The following ATP10B variants were observed in gnomAD, a reference collection of about 807,000 sequenced individuals.
ATP10B encodes the protein ATPase phospholipid transporting 10B (putative), also known as phospholipid-transporting ATPase VB.
Under a neutral mutation model 141.2 loss-of-function variants are expected in ATP10B, and 122 were observed. The ratio of observed to expected loss-of-function variants is 0.86; its 90% CI spans 0.75 to 1.00. The LOEUF is 1.00. Among genes scored for constraint, ATP10B ranks in the 50% least tolerant of loss-of-function variants. ATP10B has a pLI of 0.00. For missense variants in ATP10B, 1,876 were observed against 1,825.3 expected (o/e 1.03, Z -0.51); for synonymous variants, 685 against 692.0 (o/e 0.99, Z 0.16).
intron 1 of ATP10B, among the ~76,000 whole-genome samples, chr5:160,850,287 G>A (rs2127992575): frequency 6.6e-6 from 1 of 152,194 alleles, no homozygotes; most frequent in African/African-American, 2.4e-5. Flanking sequence ...AGCCAGGCAT[G>A]GTGGTGCATG....
At chr5:160,569,199 T>C (rs1754726090) in intron 25 of ATP10B, among the ~76,000 whole-genome samples, 1 of 152,160 alleles carries the variant, frequency 6.6e-6, no homozygotes, top group African/African-American at 2.4e-5. Context: ...AATTCCTTAC[T>C]ACACAAAAAA....
chr5:160,772,417 G>A (rs1360561514), intron 2 of ATP10B, among the ~76,000 whole-genome samples: 2 of 152,100 alleles, frequency 1.3e-5, no homozygotes, highest in Non-Finnish European at 2.9e-5. Flanking sequence ...TGGTGTCTGT[G>A]GGATGTGGCT....
chr5:160,762,806 G>A (rs1187572324), intron 2 of ATP10B, among the ~76,000 whole-genome samples: 4 of 152,112 alleles, frequency 2.6e-5, no homozygotes, highest in African/African-American at 9.7e-5. Flanking sequence ...AATATCTGCT[G>A]TCTTCAAGAG....
intron 2 of ATP10B, among the ~76,000 whole-genome samples, chr5:160,770,422 C>T (rs1302286083): frequency 3.3e-5 from 5 of 152,012 alleles, no homozygotes; most frequent in Non-Finnish European, 7.4e-5. Flanking sequence ...GGTATATTTT[C>T]GTTTTAGCTG....
intron 2 of ATP10B, among the ~76,000 whole-genome samples, chr5:160,747,000 GA>G (rs989249020): frequency 3.3e-5 from 5 of 152,118 alleles, no homozygotes; most frequent in Admixed American, 2.6e-4. Flanking sequence ...CATATTTGGG[GA>G]AAAAAATAGC....
chr5:160,779,246 A>G (rs922602830), intron 2 of ATP10B, among the ~76,000 whole-genome samples: 2 of 152,214 alleles, frequency 1.3e-5, no homozygotes, highest in African/African-American at 4.8e-5. Context: ...AAAGATTTAA[A>G]TCAACCTAAA....
chr5:160,826,623 G>A (rs903675752), intron 1 of ATP10B, among the ~76,000 whole-genome samples: 3 of 152,094 alleles, frequency 2.0e-5, no homozygotes. Flanking sequence ...TGCCTGCAGG[G>A]TAGGGCAAAA....
chr5:160,819,048 T>A (rs954021752), intron 1 of ATP10B, among the ~76,000 whole-genome samples: 3 of 152,072 alleles, frequency 2.0e-5, no homozygotes, highest in African/African-American at 4.8e-5. Context: ...TACCTAATGC[T>A]AATGACGAGT....
chr5:160,895,035 A>G, the ATP10B span, among the ~76,000 whole-genome samples: 1 of 152,214 alleles, frequency 6.6e-6, no homozygotes, highest in Non-Finnish European at 1.5e-5. Flanking sequence ...GGACTGCCTT[A>G]CAAGAGCTCC....
intron 7 of ATP10B, among the ~76,000 whole-genome samples, chr5:160,668,572 G>A: frequency 6.6e-6 from 1 of 152,180 alleles, no homozygotes; most frequent in East Asian, 1.9e-4. Context: ...GCTGTAATAA[G>A]CAAAGGGTGA....
At chr5:160,740,380 G>C (rs771410975) in intron 2 of ATP10B, among the ~76,000 whole-genome samples, 4 of 152,138 alleles carry the variant, frequency 2.6e-5, no homozygotes, top group Non-Finnish European at 5.9e-5. Context: ...TGTGCTTAGA[G>C]ACCTCTAGCA....
chr5:160,685,048 A>G, intron 6 of ATP10B: 1 of 703,588 alleles, frequency 1.4e-6, no homozygotes. Context: ...CTGCTCAAAA[A>G]TGTTTTTGGG....
rs181894024 is a variant in ATP10B at position 160,632,286 on chromosome 5, C to A, written c.1463G>T (p.Arg488Ile). 902 of 1,614,200 alleles carry A rather than the reference C, an allele frequency of 5.6e-4. 6 individuals carry two copies. The Admixed American group carries it at 0.011, about 20-fold the overall frequency. The change falls in exon 13 of 26, where the codon AGA becomes ATA. Residue 488 changes from arginine to isoleucine, a missense_variant. Arg to Ile is a moderately conservative substitution (Grantham distance 97). Coordinates refer to ENST00000327245, the MANE Select transcript of ATP10B (RefSeq NM_025153.3). ...CATAGTTGCTGGATCCTGGGCCCAT[C>A]TAGCCGAGAAGGACAGGCATTGGTA... ...TQYQCLSFSA[R>I]WAQDPATMRS...
At chr5:160,672,821 A>G (rs1762797263) in intron 6 of ATP10B, among the ~76,000 whole-genome samples, 1 of 152,178 alleles carries the variant, frequency 6.6e-6, no homozygotes, top group Admixed American at 6.5e-5. Flanking sequence ...TGACATCACA[A>G]AAGTCCCTGA....
In ATP10B at chr5:160,766,831, G is replaced by A. The variant is rs117079426; in HGVS notation, c.-331+18728C>T. On this transcript the variant is annotated intron_variant, in intron 2 of 25. Transcript: ENST00000327245. ...ATTAGCTTTAGAAAAAAAATATTAC[G>A]TTTTCTTTATTTTTCTCATTTTGCT... Among the ~76,000 whole-genome samples the A allele has an allele frequency of 3.3e-3, 507 of 152,218 alleles. 9 individuals are homozygous for A. Among genetic ancestry groups the A allele is most frequent in the East Asian group, 0.011 (56 of 5,172 alleles).
the ATP10B span, among the ~76,000 whole-genome samples, chr5:160,880,298 A>G: frequency 6.7e-5 from 10 of 149,544 alleles, no homozygotes; most frequent in Non-Finnish European, 1.2e-4. Flanking sequence ...GAAAGAAATC[A>G]AAGGAAAAAT....
At chr5:160,895,398 C>CAA in the ATP10B span, among the ~76,000 whole-genome samples, 3 of 152,072 alleles carry the variant, frequency 2.0e-5, no homozygotes, top group African/African-American at 7.2e-5. Context: ...TGAGGGGTTG[C>CAA]AATCCCAGTC....
chr5:160,916,949 A>G, the ATP10B span, among the ~76,000 whole-genome samples: 22 of 152,288 alleles, frequency 1.4e-4, no homozygotes, highest in African/African-American at 5.1e-4. Flanking sequence ...CTTCTCTGAG[A>G]AGAGAGATCA....
chr5:160,862,321 T>C, the ATP10B span, among the ~76,000 whole-genome samples: 68 of 152,110 alleles, frequency 4.5e-4, no homozygotes, highest in South Asian at 0.013. Context: ...AAGCCTTCTG[T>C]GAAGAAGAAA....
Sources: gnomAD v4.1 joint callset for allele counts (sites outside exome capture counted in the v4.1 genomes callset) on GRCh38, gnomAD v4.1.1 for gene constraint, MANE v1.5 for transcripts, NCBI Gene and HGNC (gene_info 2026-07-23, HGNC 2026-07-21) for gene names.